The following CELF2 variants were observed in gnomAD, a reference collection of about 807,000 sequenced individuals.
CELF2 encodes CUG triplet repeat RNA-binding protein 2.
CELF2 carries 8 observed loss-of-function variants against 62.6 expected under a neutral mutation model. The ratio of observed to expected loss-of-function variants is 0.13; its 90% confidence interval spans 0.07 to 0.23. The LOEUF is 0.23. CELF2 is among the 10% of genes least tolerant of loss of function. The pLI is 1.00. For missense variants in CELF2, 333 were observed against 671.0 expected (o/e 0.50, Z 5.56); for synonymous variants, 258 against 250.0 (o/e 1.03, Z -0.30).
rs2091083155 is a variant in CELF2, at chr10:11,285,836, TGTGTGTGTG to T, written c.842-2581_842-2573del. Among the ~76,000 whole-genome samples the T allele has an allele frequency of 1.0e-4, 3 of 29,942 alleles. No individual in the cohort carries two copies. Among genetic ancestry groups the T allele is most frequent in the East Asian group, 9.9e-4 (2 of 2,016 alleles). 19.6% of individuals were successfully genotyped at this position (29,942 alleles called of 152,430 possible). Reference sequence around the variant, plus strand: ...CCTACTATATATATTGGTGTGTGTGTGTGTGTGTGTGTGTGTGTGTGTGTGTGTGTGTGT... The same window carrying T: ...CCTACTATATATATTGGTGTGTGTGTTGTGTGTGTGTGTGTGTGTGTGTGT... On this transcript the variant is annotated intron_variant, in intron 8 of 12. Transcript: ENST00000633077. The surrounding 1 kb of genome is among the most constrained non-coding windows in gnomAD (Gnocchi z 4.3).
intron 1 of CELF2, among the ~76,000 whole-genome samples, chr10:11,087,703 C>T (rs187355722): frequency 6.6e-6 from 1 of 152,294 alleles, no homozygotes; most frequent in East Asian, 1.9e-4. Flanking sequence ...ACAGAAACAT[C>T]GTCTTATAAC....
At chr10:10,649,586 A>T in the CELF2 span, among the ~76,000 whole-genome samples, 1 of 152,194 alleles carries the variant, frequency 6.6e-6, no homozygotes, top group African/African-American at 2.4e-5. Flanking sequence ...ACAACAGCTT[A>T]AATTCACTGA....
At chr10:11,196,509 A>T (rs530856025) in intron 2 of CELF2, among the ~76,000 whole-genome samples, 2 of 152,206 alleles carry the variant, frequency 1.3e-5, no homozygotes, top group East Asian at 3.9e-4. Flanking sequence ...TGCAAAAAAA[A>T]TAACAAAATT....
rs1554936315 is a variant in CELF2, at chr10:11,197,025, A to AAAGAAAAGAAAGAAAGAAAG, written c.272-20398_272-20397insGAAAAGAAAGAAAGAAAGAA. Among the ~76,000 whole-genome samples, 14 of 26,132 alleles carry AAAGAAAAGAAAGAAAGAAAG rather than the reference A, an allele frequency of 5.4e-4. 2 individuals carry two copies. The highest frequency in any genetic ancestry group is 1.0e-3 in the Non-Finnish European group (12 of 11,996). 17.1% of individuals were successfully genotyped at this position (26,132 alleles called of 152,430 possible). On this transcript the variant is annotated intron_variant, in intron 2 of 12. Coordinates refer to ENST00000633077, the MANE Select transcript of CELF2 (RefSeq NM_001326342.2). ...AGGAGAAAGAAAGAAAGAAAGAAAG[A>AAAGAAAAGAAAGAAAGAAAG]AAAGAAAGAAAGAAAGAAAGAAAGA...
At position 11,017,905 on chromosome 10, in the gene CELF2, G is replaced by T. The variant is rs1472268295; in HGVS notation, c.-185G>T. 22 of 975,082 alleles carry T rather than the reference G, an allele frequency of 2.3e-5. No homozygotes were observed. Among genetic ancestry groups the T allele is most frequent in the Admixed American group, 6.3e-5 (1 of 15,860 alleles). The allele number at this position is 975,082 out of a possible 1,614,324, so 60.4% of individuals were successfully genotyped here. ...CCGCCGCACCTGGCGCTCGGCAGCCGGCCGCCCCGGCGCTGGATTTCGGAG... is the reference window on the plus strand; with the variant it reads ...CCGCCGCACCTGGCGCTCGGCAGCCTGCCGCCCCGGCGCTGGATTTCGGAG... On this transcript the variant is annotated 5_prime_UTR_variant, in exon 1 of 13. Coordinates refer to ENST00000633077, the MANE Select transcript of CELF2 (RefSeq NM_001326342.2). The surrounding 1 kb of genome is among the most constrained non-coding windows in gnomAD (Gnocchi z 5.5).
At chr10:11,209,531 G>GTA (rs2061274585) in intron 2 of CELF2, among the ~76,000 whole-genome samples, 1 of 148,928 alleles carries the variant, frequency 6.7e-6, no homozygotes, top group African/African-American at 2.5e-5. Context: ...GATGCTAGGG[G>GTA]TATAAATCAC....
At chr10:10,678,604 C>T in the CELF2 span, among the ~76,000 whole-genome samples, 11 of 152,266 alleles carry the variant, frequency 7.2e-5, no homozygotes, top group East Asian at 5.8e-4. Context: ...TATGCAATGA[C>T]GGCCAAAAGG....
At chr10:10,737,982 C>T in the CELF2 span, among the ~76,000 whole-genome samples, 1 of 152,188 alleles carries the variant, frequency 6.6e-6, no homozygotes, top group Admixed American at 6.5e-5. Context: ...CATCTGACAT[C>T]AAGCTCAACA....
At chr10:10,792,828 G>T in the CELF2 span, among the ~76,000 whole-genome samples, 1 of 152,124 alleles carries the variant, frequency 6.6e-6, no homozygotes, top group Non-Finnish European at 1.5e-5. Context: ...ACCAAATTTG[G>T]TCTGTGATTC....
chr10:10,857,655 A>G (rs1395224988), intron 1 of CELF2, among the ~76,000 whole-genome samples: 4 of 117,456 alleles, frequency 3.4e-5, no homozygotes, highest in Admixed American at 8.5e-5. Flanking sequence ...TATAGTATAT[A>G]TATATATATA....
At chr10:10,918,382 A>T (rs919390476) in intron 1 of CELF2, among the ~76,000 whole-genome samples, 1 of 152,254 alleles carries the variant, frequency 6.6e-6, no homozygotes, top group Admixed American at 6.5e-5. Flanking sequence ...TGCTGAAGGA[A>T]TGGAAACTTT....
At chr10:11,249,296 T>G in intron 4 of CELF2, 95 bp downstream of exon 4, 2 of 997,680 alleles carry the variant, frequency 2.0e-6, no homozygotes, top group Non-Finnish European at 3.2e-6. Flanking sequence ...CAGCTGCTTT[T>G]CTCTCTAGAG....
At chr10:10,598,751 C>CTCTTTTTTTTTTTT in the CELF2 span, among the ~76,000 whole-genome samples, 1 of 69,586 alleles carries the variant, frequency 1.4e-5, no homozygotes, top group Non-Finnish European at 3.0e-5. Flanking sequence ...CTTTTTCTTT[C>CTCTTTTTTTTTTTT]TTTTTTTTTT....
chr10:10,485,505 C>T, the CELF2 span, among the ~76,000 whole-genome samples: 2 of 152,292 alleles, frequency 1.3e-5, no homozygotes, highest in Non-Finnish European at 2.9e-5. Context: ...TGCAAGGCTG[C>T]CATTCACAAA....
chr10:11,029,730 A>G (rs1016702093), intron 1 of CELF2, among the ~76,000 whole-genome samples: 1 of 152,246 alleles, frequency 6.6e-6, no homozygotes, highest in Non-Finnish European at 1.5e-5. Flanking sequence ...AAATCTTTGG[A>G]GAAGAGGGCC....
the CELF2 span, among the ~76,000 whole-genome samples, chr10:10,508,927 G>T: frequency 1.3e-5 from 2 of 152,060 alleles, no homozygotes; most frequent in African/African-American, 4.8e-5. Flanking sequence ...ACTCGCCTCG[G>T]CCTCCCAAAG....
rs924978749 is a variant in CELF2, at chr10:11,324,976, T to G, written c.1295-860T>G. 7.2e-5 allele frequency among the ~76,000 whole-genome samples: 11 copies of G among 152,166 alleles called. No individual in the cohort carries two copies. Among genetic ancestry groups the G allele is most frequent in the Non-Finnish European group, 1.3e-4 (9 of 68,032 alleles). On this transcript the variant is annotated intron_variant, in intron 11 of 12. Transcript: ENST00000633077. The surrounding 1 kb of genome is among the most constrained non-coding windows in gnomAD (Gnocchi z 4.7). ...AGCCCTCATCTCCCTCAGCTCATAT[T>G]TATGCCCTTTTGTGCCGCTTTTAAC...
chr10:11,263,212 G>T (rs563394228), intron 5 of CELF2, among the ~76,000 whole-genome samples: 1 of 152,028 alleles, frequency 6.6e-6, no homozygotes, highest in African/African-American at 2.4e-5. Context: ...TCACTGAAAT[G>T]AGAGGAATGC....
At chr10:11,233,224 TGAGGGAAA>T (rs1341578664) in intron 3 of CELF2, among the ~76,000 whole-genome samples, 1 of 152,080 alleles carries the variant, frequency 6.6e-6, no homozygotes, top group Non-Finnish European at 1.5e-5. Flanking sequence ...GGAGCAGAGC[TGAGGGAAA>T]AAGAGAAAAA....
Sources: allele counts gnomAD v4.1 joint callset (sites outside exome capture counted in the v4.1 genomes callset), GRCh38; gene constraint gnomAD v4.1.1; non-coding constraint Gnocchi (gnomAD v3.1); transcripts MANE v1.5; gene names NCBI Gene and HGNC (gene_info 2026-07-23, HGNC 2026-07-21).